Variants in CNTNAP5 observed in about 807,000 individuals in gnomAD.
CNTNAP5 encodes the protein contactin associated protein family member 5.
In CNTNAP5, 72 loss-of-function variants were observed where a neutral mutation model predicts 150.2. That is an observed-to-expected ratio of 0.48 (90% CI 0.40 to 0.58). CNTNAP5 has a LOEUF of 0.58. CNTNAP5 is among the 20% of genes least tolerant of loss of function. CNTNAP5 has a pLI of 0.00. For synonymous variants in CNTNAP5, 672 were observed against 619.8 expected (o/e 1.08, Z -1.25); for missense variants, 1,636 against 1,626.2 (o/e 1.01, Z -0.10).
chr2:124,289,773 T>C (rs1688241331), intron 3 of CNTNAP5, among the ~76,000 whole-genome samples: 2 of 152,308 alleles, frequency 1.3e-5, no homozygotes, highest in African/African-American at 4.8e-5. Context: ...TTGAACCAGG[T>C]ATCCTTCCTG....
chr2:124,852,608 T>C (rs1163252704), intron 19 of CNTNAP5, among the ~76,000 whole-genome samples: 1 of 152,176 alleles, frequency 6.6e-6, no homozygotes, highest in Admixed American at 6.5e-5. Context: ...AGTAGTGGCA[T>C]CTGGTTTATA....
intron 1 of CNTNAP5, among the ~76,000 whole-genome samples, chr2:124,057,607 T>C (rs554140838): frequency 6.6e-6 from 1 of 151,952 alleles, no homozygotes; most frequent in African/African-American, 2.4e-5. Flanking sequence ...CCATTCTTAA[T>C]TCATAGATAT....
intron 13 of CNTNAP5, among the ~76,000 whole-genome samples, chr2:124,676,197 T>C (rs181415340): frequency 3.9e-5 from 6 of 152,350 alleles, no homozygotes; most frequent in Non-Finnish European, 5.9e-5. Context: ...CTCTGACTTG[T>C]GTTGTAACAT....
chr2:124,446,719 C>G (rs1326380439), intron 5 of CNTNAP5, 34 bp from the exon 6 acceptor site: 2 of 1,599,428 alleles, frequency 1.3e-6, no homozygotes, highest in South Asian at 2.2e-5. Flanking sequence ...CCCTTGGACA[C>G]AGACATCATC....
At chr2:124,376,470 G>A (rs1442892129) in intron 3 of CNTNAP5, among the ~76,000 whole-genome samples, 1 of 152,084 alleles carries the variant, frequency 6.6e-6, no homozygotes, top group Non-Finnish European at 1.5e-5. Context: ...TCACGGAACT[G>A]AGATTTGCTC....
chr2:124,623,546 G>A (rs1677660247), intron 12 of CNTNAP5, among the ~76,000 whole-genome samples: 1 of 152,184 alleles, frequency 6.6e-6, no homozygotes, highest in South Asian at 2.1e-4. Context: ...TAGTTTCTCT[G>A]TCTGTAAAAG....
intron 22 of CNTNAP5, among the ~76,000 whole-genome samples, chr2:124,905,038 CAAA>C (rs55882801): frequency 7.9e-5 from 4 of 50,730 alleles, no homozygotes; most frequent in Admixed American, 1.9e-4. Flanking sequence ...AACTCAATAG[CAAA>C]AAAAAAAAAA....
intron 1 of CNTNAP5, among the ~76,000 whole-genome samples, chr2:124,102,310 A>G (rs1211195619): frequency 2.6e-5 from 4 of 152,220 alleles, no homozygotes; most frequent in Non-Finnish European, 4.4e-5. Context: ...TAAAGGAAGA[A>G]ACTCCAGCTA....
rs1051860414 is a variant in CNTNAP5 at position 124,361,940 on chromosome 2, G to T, written c.382-55503G>T. Among the ~76,000 whole-genome samples, 13 of 152,312 alleles carry T rather than the reference G, an allele frequency of 8.5e-5. No individual in the cohort carries two copies. In the South Asian group the frequency reaches 1.2e-3, roughly 15 times the overall value. ...CCGCCTTGCAGTTTGATCTCAGACTGCTGTGCTAGCAATCAGCGAGACTTC... is the reference window on the plus strand; with the variant it reads ...CCGCCTTGCAGTTTGATCTCAGACTTCTGTGCTAGCAATCAGCGAGACTTC... On this transcript the variant is annotated intron_variant, in intron 3 of 23. Transcript: ENST00000682447.
chr2:124,649,368 C>A (rs1678270676), intron 13 of CNTNAP5, among the ~76,000 whole-genome samples: 1 of 152,152 alleles, frequency 6.6e-6, no homozygotes. Context: ...CCTGCACGTG[C>A]TACCTCAGCA....
intron 1 of CNTNAP5, among the ~76,000 whole-genome samples, chr2:124,063,322 G>A (rs1682062495): frequency 6.6e-6 from 1 of 152,012 alleles, no homozygotes; most frequent in African/African-American, 2.4e-5. Context: ...AAGCTAATTT[G>A]TACATAGTTC....
Position 124,647,954 on chromosome 2 carries a change from G to A in CNTNAP5, c.2073G>A (p.Thr691=), listed in dbSNP as rs766430011. ...GCAGGAGGTCCCGCCTGCTCAACAC[G>A]CCGGGTAAGGCCTCTGCATGCATGA... The part of the protein sequence containing the change: ...YHCRRSRLLN[T]PDGTPFTWWI... The change falls in exon 13 of 24, where the codon ACG becomes ACA. Residue 691 remains threonine (T), a synonymous_variant. Transcript: ENST00000682447. The A allele has an allele frequency of 5.0e-5, 79 of 1,593,742 alleles. No individual in the cohort carries two copies. Among genetic ancestry groups the A allele is most frequent in the Non-Finnish European group, 6.2e-5 (73 of 1,170,664 alleles).
At chr2:124,855,167 CTTTTTTTTTTTTTTTTT>C (rs70999224) in intron 19 of CNTNAP5, among the ~76,000 whole-genome samples, 26,296 of 74,290 alleles carry the variant, frequency 0.35, 3,297 homozygotes, top group African/African-American at 0.47. Context: ...TGGGCTTTTG[CTTTTTTTTTTTTTTTTT>C]TTTTTTTTTT....
Position 124,914,108 on chromosome 2 carries a change from G to A in CNTNAP5, c.3744G>A (p.Val1248=). The A allele has an allele frequency of 6.2e-7, 1 of 1,611,762 alleles. No homozygotes were observed. The highest frequency in any genetic ancestry group is 8.5e-7 in the Non-Finnish European group (1 of 1,178,424). ...SAVIGGVIAV[V]IFIIFCIIGI... is the part of the protein sequence containing the mutation. ...TCTCTCCAGGGGTGATAGCAGTGGT[G>A]ATATTCATCATCTTCTGTATCATCG... Residue 1248 remains valine (V), a synonymous_variant, in exon 24 of 24, where the codon GTG becomes GTA. Transcript: ENST00000682447.
intron 18 of CNTNAP5, among the ~76,000 whole-genome samples, chr2:124,790,862 T>A (rs1242285773): frequency 6.6e-6 from 1 of 152,120 alleles, no homozygotes; most frequent in Non-Finnish European, 1.5e-5. Context: ...TCAAGATACC[T>A]CAAGAAACTA....
chr2:124,052,522 C>T (rs1328564150), intron 1 of CNTNAP5, among the ~76,000 whole-genome samples: 1 of 152,198 alleles, frequency 6.6e-6, no homozygotes, highest in Non-Finnish European at 1.5e-5. Flanking sequence ...CAAGCATTTG[C>T]AGTGCAGAAC....
At chr2:124,707,015 G>GA (rs1558743421) in intron 13 of CNTNAP5, among the ~76,000 whole-genome samples, 2 of 71,180 alleles carry the variant, frequency 2.8e-5, no homozygotes, top group African/African-American at 1.1e-4. Flanking sequence ...GAAGGAGGAG[G>GA]AGGAGAAGAA....
At chr2:124,285,278 A>T (rs992906038) in intron 3 of CNTNAP5, among the ~76,000 whole-genome samples, 2 of 152,150 alleles carry the variant, frequency 1.3e-5, no homozygotes, top group Admixed American at 1.3e-4. Context: ...CCACTTTGAT[A>T]GCTTTCCCTC....
At chr2:124,281,404 G>A (rs1054227729) in intron 3 of CNTNAP5, among the ~76,000 whole-genome samples, 6 of 152,054 alleles carry the variant, frequency 3.9e-5, no homozygotes, top group African/African-American at 9.7e-5. Flanking sequence ...GATGGCACTC[G>A]GAGATTTTGC....
Sources: gnomAD v4.1 joint callset for allele counts (sites outside exome capture counted in the v4.1 genomes callset) on GRCh38, gnomAD v4.1.1 for gene constraint, MANE v1.5 for transcripts, NCBI Gene and HGNC (gene_info 2026-07-23, HGNC 2026-07-21) for gene names.